Variants in RUNDC3B observed in about 807,000 individuals in gnomAD.
RUNDC3B encodes RUN domain containing 3B, also known as RUN domain-containing protein 3B.
Under a neutral mutation model 58.4 loss-of-function variants are expected in RUNDC3B, and 33 were observed. That is an observed-to-expected ratio of 0.56 (90% CI 0.43 to 0.75). The LOEUF is 0.75. Among genes scored for constraint, RUNDC3B ranks in the 30% least tolerant of loss-of-function variants. The probability of loss-of-function intolerance (pLI) is 0.00; values close to 1 mark genes in which losing one functional copy is unlikely to be tolerated. For synonymous variants in RUNDC3B, 193 were observed against 195.2 expected (o/e 0.99, Z 0.10); for missense variants, 501 against 535.7 (o/e 0.94, Z 0.64).
chr7:87,669,195 T>G (rs894309566), intron 2 of RUNDC3B, among the ~76,000 whole-genome samples: 1 of 152,146 alleles, frequency 6.6e-6, no homozygotes, highest in Non-Finnish European at 1.5e-5. Context: ...GGTATTTAGG[T>G]TTTTTTGTTG....
At chr7:87,701,959 T>C (rs148445756) in intron 3 of RUNDC3B, among the ~76,000 whole-genome samples, 14,233 of 151,516 alleles carry the variant, frequency 0.094, 794 homozygotes, top group African/African-American at 0.16. Flanking sequence ...CTGGCTAACA[T>C]GGTGAAACCC....
intron 10 of RUNDC3B, among the ~76,000 whole-genome samples, chr7:87,819,324 C>T (rs571989464): frequency 5.3e-5 from 8 of 152,226 alleles, no homozygotes; most frequent in African/African-American, 1.9e-4. Flanking sequence ...ATCAATTCAA[C>T]AAGAAGAGCT....
chr7:87,806,011 A>C (rs1274829487), intron 8 of RUNDC3B, among the ~76,000 whole-genome samples: 1 of 152,214 alleles, frequency 6.6e-6, no homozygotes, highest in African/African-American at 2.4e-5. Flanking sequence ...ATGTTTAAGT[A>C]CTTTAAAAGT....
intron 4 of RUNDC3B, among the ~76,000 whole-genome samples, chr7:87,722,823 G>A (rs1830982000): frequency 6.6e-6 from 1 of 152,186 alleles, no homozygotes; most frequent in Non-Finnish European, 1.5e-5. Flanking sequence ...GTATCGTTGA[G>A]AAATCAAGGG....
intron 9 of RUNDC3B, among the ~76,000 whole-genome samples, chr7:87,813,015 C>T (rs189586728): frequency 3.3e-5 from 5 of 152,286 alleles, no homozygotes; most frequent in Admixed American, 2.0e-4. Context: ...GAATTTGTTT[C>T]CTCCTAGATA....
At chr7:87,794,138 A>G (rs965290890) in intron 8 of RUNDC3B, among the ~76,000 whole-genome samples, 5 of 152,178 alleles carry the variant, frequency 3.3e-5, no homozygotes, top group Admixed American at 3.3e-4. Context: ...GTTCTCTACA[A>G]TAAAAACTGT....
intron 10 of RUNDC3B, among the ~76,000 whole-genome samples, chr7:87,828,511 A>G (rs969730860): frequency 6.6e-6 from 1 of 152,176 alleles, no homozygotes; most frequent in African/African-American, 2.4e-5. Context: ...ACTTAAGATA[A>G]TGGCCTCTAG....
chr7:87,817,187 A>G (rs1421410481), intron 10 of RUNDC3B, among the ~76,000 whole-genome samples: 1 of 152,126 alleles, frequency 6.6e-6, no homozygotes, highest in Non-Finnish European at 1.5e-5. Context: ...TCTCCTTACA[A>G]TTACAGTCAA....
intron 4 of RUNDC3B, among the ~76,000 whole-genome samples, chr7:87,727,674 G>A (rs1423740744): frequency 6.6e-6 from 1 of 152,066 alleles, no homozygotes; most frequent in African/African-American, 2.4e-5. Context: ...TATTCCTTGA[G>A]CGTGTATTGA....
chr7:87,807,792 A>G (rs562494126), intron 9 of RUNDC3B, among the ~76,000 whole-genome samples: 8 of 152,244 alleles, frequency 5.3e-5, no homozygotes, highest in African/African-American at 1.9e-4. Flanking sequence ...TTTGAATTCT[A>G]TCATTGGTGT....
In RUNDC3B at chr7:87,692,959, T is replaced by C. The variant is rs569876106; in HGVS notation, c.239-7462T>C. Among the ~76,000 whole-genome samples, 10 of 152,040 alleles carry C rather than the reference T, an allele frequency of 6.6e-5. No individual in the cohort carries two copies. In the South Asian group the frequency reaches 2.1e-3, roughly 32 times the overall value. On this transcript the variant is annotated intron_variant, in intron 2 of 10. Transcript: ENST00000394654. ...CAGATGTGTAGATGTGGCACAGCTG[T>C]ATGTATCTCCTTCCTTTCATTTTTC... is the stretch of plus-strand genomic sequence containing the variant.
chr7:87,819,306 G>A lies in RUNDC3B; in HGVS notation c.1225+3044G>A, dbSNP rs1837269686. Among the ~76,000 whole-genome samples the A allele has an allele frequency of 2.6e-5, 4 of 152,074 alleles. No individual in the cohort carries two copies. In the South Asian group the frequency reaches 8.3e-4, roughly 32 times the overall value. ...AGTCTTAGAAGGCCATTACATAATG[G>A]TAAAGGGATCAATTCAACAAGAAGA... On this transcript the variant is annotated intron_variant, in intron 10 of 10. Transcript: ENST00000394654.
chr7:87,808,325 A>G (rs1435770941), intron 9 of RUNDC3B, among the ~76,000 whole-genome samples: 1 of 149,718 alleles, frequency 6.7e-6, no homozygotes. Context: ...CTACTCTTTT[A>G]GAGTCCTTGC....
At chr7:87,702,924 A>G (rs1324172876) in intron 3 of RUNDC3B, among the ~76,000 whole-genome samples, 3 of 152,180 alleles carry the variant, frequency 2.0e-5, no homozygotes, top group Admixed American at 2.0e-4. Flanking sequence ...GGTTGAGTAT[A>G]CCTAACTAAC....
At chr7:87,737,898 T>C (rs995565174) in intron 4 of RUNDC3B, among the ~76,000 whole-genome samples, 3 of 152,158 alleles carry the variant, frequency 2.0e-5, no homozygotes, top group Non-Finnish European at 4.4e-5. Flanking sequence ...AACATTATTA[T>C]ATGCACACAC....
At chr7:87,680,785 C>A in intron 2 of RUNDC3B, among the ~76,000 whole-genome samples, 1 of 148,672 alleles carries the variant, frequency 6.7e-6, no homozygotes, top group East Asian at 2.0e-4. Context: ...AGGAGTGAAA[C>A]TCCATCTCAA....
intron 9 of RUNDC3B, among the ~76,000 whole-genome samples, chr7:87,814,909 C>A (rs1247159628): frequency 5.3e-5 from 8 of 152,086 alleles, no homozygotes; most frequent in Non-Finnish European, 1.0e-4. Context: ...GTTGTATATT[C>A]ATTATGAATA....
At chr7:87,740,471 C>T (rs1173754719) in intron 5 of RUNDC3B, among the ~76,000 whole-genome samples, 3 of 151,924 alleles carry the variant, frequency 2.0e-5, no homozygotes. Flanking sequence ...TTTCTTTAAT[C>T]GATCCCAGAT....
At chr7:87,772,230 A>C (rs969783918) in intron 7 of RUNDC3B, among the ~76,000 whole-genome samples, 9 of 152,206 alleles carry the variant, frequency 5.9e-5, no homozygotes, top group Admixed American at 3.9e-4. Context: ...AATGTTTAAT[A>C]ACAGCAATGT....
Sources: gnomAD v4.1 joint callset for allele counts (sites outside exome capture counted in the v4.1 genomes callset) on GRCh38, gnomAD v4.1.1 for gene constraint, MANE v1.5 for transcripts, NCBI Gene and HGNC (gene_info 2026-07-23, HGNC 2026-07-21) for gene names.